The following ZNF717 variants were observed in gnomAD, a reference collection of about 807,000 sequenced individuals.
ZNF717 encodes the protein zinc finger protein 717.
Under a neutral mutation model 13.8 loss-of-function variants are expected in ZNF717, and 9 were observed. The ratio of observed to expected loss-of-function variants is 0.65; its 90% CI spans 0.39 to 1.14. ZNF717 has a LOEUF of 1.14. Among genes scored for constraint, ZNF717 ranks in the 50% most tolerant of loss-of-function variants. The probability of loss-of-function intolerance (pLI) is 0.01; values close to 1 mark genes in which losing one functional copy is unlikely to be tolerated. For missense variants in ZNF717, 1,040 were observed against 1,080.7 expected (o/e 0.96, Z 0.53); for synonymous variants, 327 against 364.1 (o/e 0.90, Z 1.16).
At chr3:75,759,337 G>A (rs937547413) in intron 2 of ZNF717, among the ~76,000 whole-genome samples, 7 of 149,924 alleles carry the variant, frequency 4.7e-5, no homozygotes, top group South Asian at 2.1e-4. Context: ...GTGCAGTGGC[G>A]TGATCTCGGC....
intron 2 of ZNF717, among the ~76,000 whole-genome samples, chr3:75,781,968 C>A (rs1576006406): frequency 6.6e-6 from 1 of 152,142 alleles, no homozygotes; most frequent in Non-Finnish European, 1.5e-5. Context: ...CCCCCCTCCC[C>A]TCTCTAAACC....
intron 6 of ZNF717, among the ~76,000 whole-genome samples, chr3:75,697,860 T>C (rs1487717084): frequency 3.3e-5 from 5 of 152,296 alleles, no homozygotes; most frequent in Non-Finnish European, 7.3e-5. Flanking sequence ...GAGATTTTCT[T>C]AGAGACTGGT....
chr3:75,766,508 A>C (rs1943477831), intron 2 of ZNF717, among the ~76,000 whole-genome samples: 1 of 152,268 alleles, frequency 6.6e-6, no homozygotes, highest in South Asian at 2.1e-4. Flanking sequence ...CAAAGTGCAC[A>C]CAAAGTACAC....
chr3:75,771,992 C>T (rs1943927711), intron 2 of ZNF717, among the ~76,000 whole-genome samples: 1 of 152,258 alleles, frequency 6.6e-6, no homozygotes, highest in Admixed American at 6.5e-5. Flanking sequence ...ACATGCCAGC[C>T]CCCTGTCACC....
chr3:75,741,872 T>A, intron 2 of ZNF717, 136 bp from the exon 3 acceptor site: 1 of 1,197,328 alleles, frequency 8.4e-7, no homozygotes, highest in Non-Finnish European at 1.2e-6. Context: ...ACCCCTGTAA[T>A]GGCACATTTT....
chr3:75,718,828 G>A (rs1203923404), intron 4 of ZNF717, among the ~76,000 whole-genome samples: 1 of 152,168 alleles, frequency 6.6e-6, no homozygotes, highest in Non-Finnish European at 1.5e-5. Flanking sequence ...ACCTCCTGAT[G>A]TGCAGCCCGG....
At chr3:75,695,374 T>C (rs1464425443) in intron 6 of ZNF717, among the ~76,000 whole-genome samples, 3 of 152,302 alleles carry the variant, frequency 2.0e-5, no homozygotes, top group Non-Finnish European at 2.9e-5. Flanking sequence ...CTCAATACAA[T>C]AATGGCTGGA....
At chr3:75,763,593 C>G (rs1943202069) in intron 2 of ZNF717, among the ~76,000 whole-genome samples, 1 of 145,474 alleles carries the variant, frequency 6.9e-6, no homozygotes, top group Non-Finnish European at 1.5e-5. Context: ...CACCTCCTAT[C>G]TCTCCTGGAT....
At chr3:75,780,859 C>A (rs1452659319) in intron 2 of ZNF717, among the ~76,000 whole-genome samples, 1 of 152,262 alleles carries the variant, frequency 6.6e-6, no homozygotes, top group East Asian at 1.9e-4. Flanking sequence ...AATCCTAGAA[C>A]AAACCAGGTT....
chr3:75,710,295 G>C (rs1202131916), exon 6 of ZNF717: 2 of 152,318 alleles, frequency 1.3e-5, no homozygotes, highest in Admixed American at 6.5e-5. Flanking sequence ...AGGTGAGATG[G>C]TGTAACCACA....
chr3:75,747,270 G>A (rs1346500842), intron 2 of ZNF717, among the ~76,000 whole-genome samples: 1 of 152,154 alleles, frequency 6.6e-6, no homozygotes, highest in Non-Finnish European at 1.5e-5. Flanking sequence ...TAGCCTTGTA[G>A]TATAGTTTGA....
chr3:75,784,027 C>T (rs1157601127), intron 1 of ZNF717, among the ~76,000 whole-genome samples: 3 of 152,140 alleles, frequency 2.0e-5, no homozygotes, highest in Non-Finnish European at 4.4e-5. Context: ...AAATGTGATG[C>T]AAATATCCAT....
intron 2 of ZNF717, among the ~76,000 whole-genome samples, chr3:75,774,610 GTTTTTTTTT>G (rs537149833): frequency 1.2e-5 from 1 of 80,216 alleles, no homozygotes; most frequent in African/African-American, 5.0e-5. Context: ...AATTCTTGTG[GTTTTTTTTT>G]TTTTTTTTTT....
chr3:75,719,284 C>CAA (rs58182512), intron 4 of ZNF717, among the ~76,000 whole-genome samples: 16,081 of 134,254 alleles, frequency 0.12, 2,193 homozygotes, highest in African/African-American at 0.34. Context: ...CACCCTGTCT[C>CAA]AAAAAAAAAA....
In ZNF717 at chr3:75,767,095, G is replaced by A. The variant is rs1212796333; in HGVS notation, c.57+16211C>T. 2.6e-5 allele frequency among the ~76,000 whole-genome samples: 4 copies of A among 152,246 alleles called. No homozygotes were observed. The East Asian group carries it at 7.7e-4, about 29-fold the overall frequency. On this transcript the variant is annotated intron_variant, in intron 2 of 4. Coordinates refer to ENST00000652011, the MANE Select transcript of ZNF717 (RefSeq NM_001290208.3). ...GGTATTTGGGGACTTCAGAAGCCAG[G>A]CTGAGAGAACGGAACACTTATCCAG...
chr3:75,781,409 G>A (rs1296074802), intron 2 of ZNF717, among the ~76,000 whole-genome samples: 11 of 151,980 alleles, frequency 7.2e-5, no homozygotes, highest in African/African-American at 2.2e-4. Flanking sequence ...GTGTTTCTGG[G>A]GACTCTCCGA....
intron 5 of ZNF717, among the ~76,000 whole-genome samples, chr3:75,713,508 A>C (rs1199085443): frequency 6.6e-6 from 1 of 152,194 alleles, no homozygotes; most frequent in African/African-American, 2.4e-5. Context: ...AAACTTAGGA[A>C]GCAGGAAATC....
chr3:75,738,059 G>T lies in ZNF717; in HGVS notation c.1564C>A (p.Leu522Ile). ...CGKTFRCKSF[L>I]TVHQRTHAGE... is the part of the protein sequence containing the mutation. ...GCATGAGTTCTCTGATGGACAGTGA[G>T]GAATGACTTACAGCGAAAGGTTTTC... The change falls in exon 5 of 5, where the codon CTC becomes ATC. Residue 522 changes from leucine to isoleucine, a missense_variant. Coordinates refer to ENST00000652011, the MANE Select transcript of ZNF717 (RefSeq NM_001290208.3). The T allele has an allele frequency of 7.4e-7, 1 of 1,343,190 alleles. No homozygotes were observed. 83.2% of individuals were successfully genotyped at this position (1,343,190 alleles called of 1,614,324 possible). A position where few individuals can be genotyped will look rare whatever the true frequency, so the allele number is the denominator to read the frequency against.
chr3:75,764,209 G>A (rs1210497573), intron 2 of ZNF717, among the ~76,000 whole-genome samples: 1 of 152,104 alleles, frequency 6.6e-6, no homozygotes, highest in African/African-American at 2.4e-5. Context: ...TGGCCAATGT[G>A]GGCTCTCTGC....
Sources: allele counts gnomAD v4.1 joint callset (sites outside exome capture counted in the v4.1 genomes callset), GRCh38; gene constraint gnomAD v4.1.1; transcripts MANE v1.5; gene names NCBI Gene and HGNC (gene_info 2026-07-23, HGNC 2026-07-21).